Variants in DDX60L observed in about 807,000 individuals in gnomAD.
The protein encoded by DDX60L is probable ATP-dependent RNA helicase DDX60-like.
DDX60L carries 191 observed loss-of-function variants against 211.6 expected under a neutral mutation model. That is an observed-to-expected ratio of 0.90 (90% CI 0.80 to 1.02). The LOEUF (loss-of-function observed/expected upper bound fraction) is 1.02. Among genes scored for constraint, DDX60L ranks in the 50% least tolerant of loss-of-function variants. DDX60L has a pLI of 0.00. For synonymous variants in DDX60L, 706 were observed against 694.1 expected (o/e 1.02, Z -0.27); for missense variants, 2,007 against 1,984.1 (o/e 1.01, Z -0.22).
At chr4:168,365,721 A>T (rs887577158) in intron 36 of DDX60L, among the ~76,000 whole-genome samples, 2 of 152,148 alleles carry the variant, frequency 1.3e-5, no homozygotes, top group Admixed American at 6.5e-5. Flanking sequence ...ATACAGCAAC[A>T]ACAACAAAAA....
chr4:168,393,366 C>T (rs1745194921), intron 28 of DDX60L, among the ~76,000 whole-genome samples: 1 of 151,956 alleles, frequency 6.6e-6, no homozygotes, highest in African/African-American at 2.4e-5. Context: ...TGTGGTGGTG[C>T]ATGCCTGTAA....
At chr4:168,420,899 G>A (rs189708925) in intron 17 of DDX60L, among the ~76,000 whole-genome samples, 505 of 152,130 alleles carry the variant, frequency 3.3e-3, no homozygotes, top group Non-Finnish European at 4.6e-3. Flanking sequence ...GAGCCCATGT[G>A]GCCTTCTCTT....
At chr4:168,416,063 C>T (rs1022252603) in intron 20 of DDX60L, among the ~76,000 whole-genome samples, 1 of 152,126 alleles carries the variant, frequency 6.6e-6, no homozygotes, top group East Asian at 1.9e-4. Context: ...AGTTAGCGTG[C>T]CTGCCACATA....
Position 168,441,467 on chromosome 4 carries a change from G to A in DDX60L, c.1164C>T (p.Ser388=). Residue 388 remains serine, a synonymous_variant, in exon 10 of 38, where the codon TCC becomes TCT. Coordinates refer to ENST00000682922, the MANE Select transcript of DDX60L (RefSeq NM_001012967.3). ...TQEPHLNLGD[S]IRRDYEDLWN... ...ACAGGTCTTCATAATCCCTCCTAAT[G>A]GAATCTCCCAAATTCAAATGTGGTT... 1 of 1,602,078 alleles carries A rather than the reference G, an allele frequency of 6.2e-7. No individual in the cohort carries two copies.
At chr4:168,378,836 T>C (rs1272320209) in intron 32 of DDX60L, among the ~76,000 whole-genome samples, 1 of 152,140 alleles carries the variant, frequency 6.6e-6, no homozygotes, top group Non-Finnish European at 1.5e-5. Context: ...TCAAAAACCT[T>C]TGAGGGTATC....
At chr4:168,434,102 G>T (rs1579618605) in intron 10 of DDX60L, among the ~76,000 whole-genome samples, 1 of 151,886 alleles carries the variant, frequency 6.6e-6, no homozygotes, top group East Asian at 1.9e-4. Flanking sequence ...GCACTATAAT[G>T]TATCTAGTGG....
chr4:168,439,467 A>G (rs569957871), intron 10 of DDX60L, among the ~76,000 whole-genome samples: 5 of 152,172 alleles, frequency 3.3e-5, no homozygotes, highest in South Asian at 2.1e-4. Flanking sequence ...GACCTGCCCT[A>G]TAAATTTTGG....
chr4:168,443,188 T>C (rs375507590), intron 9 of DDX60L, among the ~76,000 whole-genome samples: 84 of 151,026 alleles, frequency 5.6e-4, no homozygotes, highest in African/African-American at 1.7e-3. Context: ...TTAAAGGAGC[T>C]GATGGAGCTG....
intron 25 of DDX60L, 97 bp from the exon 26 acceptor site, chr4:168,401,075 G>C: frequency 8.9e-7 from 1 of 1,123,594 alleles, no homozygotes; most frequent in South Asian, 1.6e-5. Context: ...CATCTGAATA[G>C]ACTTCATCCT....
chr4:168,362,888 T>G (rs1031422285), intron 36 of DDX60L, among the ~76,000 whole-genome samples: 1 of 152,188 alleles, frequency 6.6e-6, no homozygotes, highest in African/African-American at 2.4e-5. Context: ...GAGAGATATT[T>G]TGTTATTATT....
intron 4 of DDX60L, among the ~76,000 whole-genome samples, chr4:168,463,588 T>G (rs904793636): frequency 6.6e-6 from 1 of 151,876 alleles, no homozygotes; most frequent in Non-Finnish European, 1.5e-5. Flanking sequence ...ACCCCTGAAC[T>G]AAGTTAAAAA....
chr4:168,465,342 CT>C lies in DDX60L; in HGVS notation c.265-3303del, dbSNP rs370083238. 1.7e-3 allele frequency among the ~76,000 whole-genome samples: 264 copies of C among 151,920 alleles called. 1 individual carries two copies. Among genetic ancestry groups the C allele is most frequent in the Non-Finnish European group, 3.3e-3 (223 of 67,854 alleles). ...CTTGCCCACATTTTAATTGGATTAT[CT>C]TTTTTTTCTTTTGCTATTGAGATGT... On this transcript the variant is annotated intron_variant, in intron 4 of 37. Transcript: ENST00000682922.
At chr4:168,411,564 C>A (rs1441954409) in intron 22 of DDX60L, among the ~76,000 whole-genome samples, 1 of 152,152 alleles carries the variant, frequency 6.6e-6, no homozygotes, top group Admixed American at 6.5e-5. Context: ...TCCCAGCAGT[C>A]GAAACCTGAC....
intron 26 of DDX60L, among the ~76,000 whole-genome samples, chr4:168,400,387 T>C (rs1258622310): frequency 2.0e-5 from 3 of 152,140 alleles, no homozygotes; most frequent in Non-Finnish European, 4.4e-5. Flanking sequence ...CGCCCAGCAA[T>C]GGGATTGCTG....
rs1211364745 is a variant in DDX60L, at chr4:168,379,396, G to A, written c.4330C>T (p.Leu1444Phe). ...GCTGGCTTACAGAGATTATGGAAAA[G>A]GCCTCTCTTGAGAAAATTTACAAAA... The part of the protein sequence containing the change: ...LVFVNFLKRG[L>F]FHNLCKPAWK... The change falls in exon 32 of 38, where the codon CTT becomes TTT. Residue 1444 changes from leucine (L) to phenylalanine (F), a missense_variant. Leu to Phe is a conservative substitution (Grantham distance 22). Coordinates refer to ENST00000682922, the MANE Select transcript of DDX60L (RefSeq NM_001012967.3). The A allele has an allele frequency of 6.3e-7, 1 of 1,599,400 alleles. No homozygotes were observed. The highest frequency in any genetic ancestry group is 8.5e-7 in the Non-Finnish European group (1 of 1,175,716).
At chr4:168,467,730 GATCAAATTTT>G (rs1323376962) in intron 4 of DDX60L, among the ~76,000 whole-genome samples, 7 of 152,082 alleles carry the variant, frequency 4.6e-5, no homozygotes, top group Admixed American at 3.9e-4. Flanking sequence ...AGGAAAATTT[GATCAAATTTT>G]ATCAAATTCG....
In DDX60L at chr4:168,448,638, C is replaced by T. The variant is rs2150038110; in HGVS notation, c.1138G>A (p.Glu380Lys). ...AFYYEFESTQEPHLNLGDSIR... is the reference protein window; with the variant it reads ...AFYYEFESTQKPHLNLGDSIR... ...ATGTTAATGCATATTCAGGTACTACCTTGAGTACTTTCAAATTCATAGTAG... is the reference window on the plus strand; with the variant it reads ...ATGTTAATGCATATTCAGGTACTACTTTGAGTACTTTCAAATTCATAGTAG... The change falls in exon 9 of 38, where the codon GAA becomes AAA. Residue 380 changes from glutamate (E) to lysine (K), a missense_variant and splice_region_variant. By Grantham distance (56) the Glu-to-Lys change is moderately conservative (BLOSUM62 1). Coordinates refer to ENST00000682922, the MANE Select transcript of DDX60L (RefSeq NM_001012967.3). 1.3e-6 allele frequency: 2 copies of T among 1,533,454 alleles called. No homozygotes were observed. Among genetic ancestry groups the T allele is most frequent in the Non-Finnish European group, 1.8e-6 (2 of 1,122,714 alleles). The allele number at this position is 1,533,454 out of a possible 1,614,324, so 95.0% of individuals were successfully genotyped here. A position where few individuals can be genotyped will look rare whatever the true frequency, so the allele number is the denominator to read the frequency against.
chr4:168,414,982 A>C (rs868365841), intron 22 of DDX60L, among the ~76,000 whole-genome samples: 1 of 151,752 alleles, frequency 6.6e-6, no homozygotes. Flanking sequence ...AATTTATTGT[A>C]TATTTTAAAA....
intron 10 of DDX60L, among the ~76,000 whole-genome samples, chr4:168,433,774 C>T (rs1752674864): frequency 6.6e-6 from 1 of 152,168 alleles, no homozygotes; most frequent in South Asian, 2.1e-4. Context: ...CTCTCACTTT[C>T]CTTTGGGACT....
Sources: allele counts gnomAD v4.1 joint callset (sites outside exome capture counted in the v4.1 genomes callset), GRCh38; gene constraint gnomAD v4.1.1; transcripts MANE v1.5; gene names NCBI Gene and HGNC (gene_info 2026-07-23, HGNC 2026-07-21).